HAO1: variants seen among roughly 807,000 people sequenced by gnomAD.
HAO1 encodes the protein 2-Hydroxyacid oxidase 1.
Under a neutral mutation model 39.7 loss-of-function variants are expected in HAO1, and 34 were observed. The observed-to-expected ratio is 0.86, with a 90% CI of 0.65 to 1.14. HAO1 has a LOEUF of 1.14. Among genes scored for constraint, HAO1 ranks in the 50% most tolerant of loss-of-function variants. The pLI, the probability that HAO1 is intolerant of heterozygous loss-of-function variation, is 0.00. For missense variants in HAO1, 479 were observed against 464.5 expected, an observed-to-expected ratio of 1.03 and a Z score of -0.29; for synonymous variants, 172 against 173.2, an observed-to-expected ratio of 0.99 and a Z score of 0.05.
intron 2 of HAO1, among the ~76,000 whole-genome samples, chr20:7,929,733 G>A (rs1024049336): frequency 2.0e-5 from 3 of 152,068 alleles, no homozygotes; most frequent in Non-Finnish European, 2.9e-5. Flanking sequence ...CCGTCGCGGT[G>A]CGTGCCTATA....
chr20:7,914,469 C>A, intron 2 of HAO1, 50 bp from the exon 3 acceptor site: 1 of 1,593,852 alleles, frequency 6.3e-7, no homozygotes, highest in Non-Finnish European at 8.6e-7. Context: ...GCTTACCCTC[C>A]CAAACCTTTG....
chr20:7,921,403 A>G (rs897684134), intron 2 of HAO1, among the ~76,000 whole-genome samples: 18 of 152,186 alleles, frequency 1.2e-4, no homozygotes, highest in African/African-American at 4.3e-4. Context: ...AACCACAATG[A>G]TATACCATCT....
intron 2 of HAO1, among the ~76,000 whole-genome samples, chr20:7,915,762 T>C (rs1194465004): frequency 6.6e-6 from 1 of 152,094 alleles, no homozygotes; most frequent in African/African-American, 2.4e-5. Context: ...TATATAGATA[T>C]ATTAAGGAAA....
chr20:7,912,227 C>T (rs544552664), intron 3 of HAO1, among the ~76,000 whole-genome samples: 1 of 152,064 alleles, frequency 6.6e-6, no homozygotes, highest in South Asian at 2.1e-4. Context: ...AGCCCAGGAG[C>T]AAAAGAAAAG....
chr20:7,918,948 A>G (rs2050319089), intron 2 of HAO1, among the ~76,000 whole-genome samples: 1 of 152,200 alleles, frequency 6.6e-6, no homozygotes, highest in Non-Finnish European at 1.5e-5. Context: ...ACACTGTCTC[A>G]TTGCATTTTG....
At chr20:7,890,477 G>C (rs905397511) in intron 5 of HAO1, among the ~76,000 whole-genome samples, 1 of 152,146 alleles carries the variant, frequency 6.6e-6, no homozygotes, top group African/African-American at 2.4e-5. Context: ...GCCTCCCAAA[G>C]TGCTGGGATT....
chr20:7,910,287 A>G (rs964778218), intron 3 of HAO1, among the ~76,000 whole-genome samples: 6 of 152,212 alleles, frequency 3.9e-5, no homozygotes, highest in African/African-American at 1.4e-4. Context: ...CTCAAAATGA[A>G]ACTTTAAGTA....
chr20:7,885,014 G>A (rs967356331), intron 7 of HAO1, among the ~76,000 whole-genome samples: 7 of 151,964 alleles, frequency 4.6e-5, no homozygotes, highest in Admixed American at 2.6e-4. Flanking sequence ...TTTGAAGATC[G>A]AGCCCCTATG....
At chr20:7,902,007 A>G (rs896398965) in intron 4 of HAO1, among the ~76,000 whole-genome samples, 1 of 152,250 alleles carries the variant, frequency 6.6e-6, no homozygotes, top group African/African-American at 2.4e-5. Context: ...AATTGCTGCA[A>G]TCATGAGATA....
At chr20:7,896,347 G>A (rs1459986028) in intron 4 of HAO1, among the ~76,000 whole-genome samples, 3 of 152,058 alleles carry the variant, frequency 2.0e-5, no homozygotes, top group African/African-American at 7.2e-5. Flanking sequence ...CAAAAATCAG[G>A]CCTTGGAAAT....
Position 7,934,613 on chromosome 20 carries a change from G to C in HAO1, c.160C>G (p.Leu54Val). ...AGATCTGTTTCAGCAACATTCCGGA[G>C]CATCCTTGGATACAGCTTCCATCTA... The part of the protein sequence containing the change: ...FSRWKLYPRM[L>V]RNVAETDLST... Residue 54 changes from leucine to valine, a missense_variant, in exon 2 of 8, where the codon CTC becomes GTC. Coordinates refer to ENST00000378789, the MANE Select transcript of HAO1 (RefSeq NM_017545.3). 6.2e-7 allele frequency: 1 copy of C among 1,608,958 alleles called. No homozygotes were observed. Among genetic ancestry groups the C allele is most frequent in the Middle Eastern group, 1.7e-4 (1 of 6,048 alleles).
chr20:7,920,622 T>G (rs2050326735), intron 2 of HAO1, among the ~76,000 whole-genome samples: 1 of 152,136 alleles, frequency 6.6e-6, no homozygotes, highest in African/African-American at 2.4e-5. Flanking sequence ...CTTTTTATGA[T>G]CTGTTTCTGT....
intron 2 of HAO1, among the ~76,000 whole-genome samples, chr20:7,915,076 C>T (rs1444437282): frequency 6.6e-6 from 1 of 152,094 alleles, no homozygotes; most frequent in Non-Finnish European, 1.5e-5. Flanking sequence ...GCTGAGATTG[C>T]AGCATTGCGC....
chr20:7,920,461 T>C (rs2050325718), intron 2 of HAO1, among the ~76,000 whole-genome samples: 1 of 152,190 alleles, frequency 6.6e-6, no homozygotes, highest in Non-Finnish European at 1.5e-5. Context: ...AATTTTAAGA[T>C]ATACAATACA....
In HAO1 at chr20:7,899,958, A is replaced by G. The variant is rs188247294; in HGVS notation, c.722-4734T>C. Reference sequence around the variant, plus strand: ...TTATTAATATTTTATTTCCATATTTAATTTAAAACAAGGTATAAAAGTGAA... The same window carrying G: ...TTATTAATATTTTATTTCCATATTTGATTTAAAACAAGGTATAAAAGTGAA... On this transcript the variant is annotated intron_variant, in intron 4 of 7. Transcript: ENST00000378789. Among the ~76,000 whole-genome samples, 196 of 152,274 alleles carry G rather than the reference A, an allele frequency of 1.3e-3. No homozygotes were observed. The Middle Eastern group carries it at 0.017, about 13-fold the overall frequency.
At chr20:7,903,308 G>C (rs1389266701) in intron 4 of HAO1, among the ~76,000 whole-genome samples, 1 of 145,064 alleles carries the variant, frequency 6.9e-6, no homozygotes, top group Non-Finnish European at 1.5e-5. Flanking sequence ...TTTTTTTTGA[G>C]CTTTCTCTAA....
intron 5 of HAO1, among the ~76,000 whole-genome samples, chr20:7,888,752 G>T (rs1189852302): frequency 6.6e-6 from 1 of 152,198 alleles, no homozygotes; most frequent in Admixed American, 6.5e-5. Flanking sequence ...GGAAAGGAAG[G>T]AGGGTTCTGT....
rs768752030 is a variant in HAO1 at position 7,906,309 on chromosome 20, C to T, written c.566G>A (p.Ser189Asn). The change falls in exon 4 of 8, where the codon AGT (serine) becomes AAT (asparagine). Residue 189 changes from serine to asparagine, a missense_variant. Ser to Asn is a conservative substitution (Grantham distance 46). Coordinates refer to ENST00000378789, the MANE Select transcript of HAO1 (RefSeq NM_017545.3). ...TTCCTCAGGAGAAAATGATAAAGTA[C>T]TGGTTTCAAAATTTTTCATCCTAAA... ...PQLRMKNFET[S>N]TLSFSPEENF... 3.1e-6 allele frequency: 5 copies of T among 1,603,946 alleles called. No individual in the cohort carries two copies. In the South Asian group the frequency reaches 5.6e-5, roughly 18 times the overall value.
At position 7,913,720 on chromosome 20, in the gene HAO1, G is replaced by A. The variant is rs977832831; in HGVS notation, c.545+444C>T. On this transcript the variant is annotated intron_variant, in intron 3 of 7. Transcript: ENST00000378789. ...GAAAGGAATATTGCTGAAAGAAGAA[G>A]TAGACAGTGAGGGATCAAAGATGTG... 1.3e-5 allele frequency among the ~76,000 whole-genome samples: 2 copies of A among 152,204 alleles called. 1 individual carries two copies. The highest frequency in any genetic ancestry group is 1.3e-4 in the Admixed American group (2 of 15,282).
Sources: gnomAD v4.1 joint callset for allele counts (sites outside exome capture counted in the v4.1 genomes callset) on GRCh38, gnomAD v4.1.1 for gene constraint, MANE v1.5 for transcripts, NCBI Gene and HGNC (gene_info 2026-07-23, HGNC 2026-07-21) for gene names.